The following ARAP1 variants were observed in gnomAD, a reference collection of about 807,000 sequenced individuals.
The protein encoded by ARAP1 is ArfGAP with RhoGAP domain, ankyrin repeat and PH domain 1, also known as arf-GAP with Rho-GAP domain, ANK repeat and PH domain-containing protein 1.
In ARAP1, 76 loss-of-function variants were observed where a neutral mutation model predicts 172.2. That is an observed-to-expected ratio of 0.44 (90% CI 0.37 to 0.53). ARAP1 has a LOEUF of 0.53. Ranked by LOEUF, ARAP1 falls within the 20% of genes least tolerant of loss-of-function variation. ARAP1 has a pLI of 0.00. For missense variants in ARAP1, 1,686 were observed against 1,977.5 expected (o/e 0.85, Z 2.80); for synonymous variants, 804 against 803.3 (o/e 1.00, Z -0.01).
intron 22 of ARAP1, 94 bp downstream of exon 22, chr11:72,696,889 G>T: frequency 7.5e-7 from 1 of 1,332,202 alleles, no homozygotes; most frequent in South Asian, 1.3e-5. Flanking sequence ...TGTGGGTTAG[G>T]GTAAGCCTAG....
Position 72,693,430 on chromosome 11 carries a change from G to T in ARAP1, c.3849C>A (p.Phe1283Leu). 1 of 1,613,870 alleles carries T rather than the reference G, an allele frequency of 6.2e-7. No homozygotes were observed. Among genetic ancestry groups the T allele is most frequent in the Non-Finnish European group, 8.5e-7 (1 of 1,179,812 alleles). The change falls in exon 29 of 35, where the codon TTC becomes TTA. Residue 1283 changes from phenylalanine to leucine, a missense_variant. Physicochemically the swap from Phe to Leu is conservative, Grantham distance 22. Transcript: ENST00000393609. The surrounding 1 kb of genome is among the most constrained non-coding windows in gnomAD (Gnocchi z 4.6). ...VGDTKHGMMK[F>L]REDRSLLGLG... ...GGCCCAGGAGGCTGCGGTCCTCACG[G>T]AACTTCATCATGCCATGCTTGGTGT...
intron 19 of ARAP1, 28 bp from the exon 20 acceptor site, chr11:72,697,677 C>G (rs759196499): frequency 2.0e-5 from 33 of 1,613,072 alleles, no homozygotes; most frequent in Non-Finnish European, 2.8e-5. Flanking sequence ...AAGGTGAGGC[C>G]CAGGTCTTGC....
At chr11:72,722,151 C>CAG (rs3029807) in intron 3 of ARAP1, 47,960 of 957,458 alleles carry the variant, frequency 0.05, 238 homozygotes, top group African/African-American at 0.056. Flanking sequence ...GAGGAAAGGA[C>CAG]AGAGAGAGAG....
At chr11:72,722,207 G>T in intron 3 of ARAP1, 1 of 985,786 alleles carries the variant, frequency 1.0e-6, no homozygotes, top group South Asian at 4.7e-5. Context: ...GTGTGTGTGA[G>T]TGTGTGTGAC....
At chr11:72,711,694 CT>C (rs58109830) in intron 7 of ARAP1, among the ~76,000 whole-genome samples, 195 bp from the exon 8 acceptor site, 59 of 118,858 alleles carry the variant, frequency 5.0e-4, no homozygotes, top group Admixed American at 1.9e-3. Context: ...TAGCACATCT[CT>C]TTTTTTTTTT....
chr11:72,697,359 T>C lies in ARAP1; in HGVS notation c.2917A>G (p.Ile973Val). 6.2e-7 allele frequency: 1 copy of C among 1,603,434 alleles called. No homozygotes were observed. Among genetic ancestry groups the C allele is most frequent in the African/African-American group, 1.3e-5 (1 of 74,898 alleles). ...ATGTAGTCCACACAGCGGTACACGA[T>C]CACCGGGATATCCGAGTCCCCAAGC... The part of the protein sequence containing the change: ...QQLGDSDIPV[I>V]VYRCVDYITQ... Residue 973 changes from isoleucine (I) to valine (V), a missense_variant, in exon 21 of 35, where the codon ATC becomes GTC. Coordinates refer to ENST00000393609, the MANE Select transcript of ARAP1 (RefSeq NM_001040118.3).
At chr11:72,738,543 C>G (rs1405383283) in intron 1 of ARAP1, among the ~76,000 whole-genome samples, 1 of 152,076 alleles carries the variant, frequency 6.6e-6, no homozygotes, top group East Asian at 1.9e-4. Context: ...GCTAGGGGTC[C>G]TAACTGAGGC....
intron 31 of ARAP1, 83 bp from the exon 32 acceptor site, chr11:72,687,821 G>A: frequency 6.6e-7 from 1 of 1,512,380 alleles, no homozygotes; most frequent in Non-Finnish European, 9.2e-7. Context: ...GAGCCCAGAA[G>A]CCACAGCCAG....
At position 72,710,944 on chromosome 11, in the gene ARAP1, C is replaced by G; in HGVS notation, c.1213+77G>C. On this transcript the variant is annotated intron_variant, in intron 9 of 34. Coordinates refer to ENST00000393609, the MANE Select transcript of ARAP1 (RefSeq NM_001040118.3). The surrounding 1 kb of genome is among the most constrained non-coding windows in gnomAD (Gnocchi z 4.3). ...GAGAGGGCAGATGCACCATGACTCT[C>G]TTCCCCCTCCTCTGCCCAAACTTCC... The G allele has an allele frequency of 1.6e-5, 25 of 1,574,918 alleles. No homozygotes were observed. Among genetic ancestry groups the G allele is most frequent in the Non-Finnish European group, 2.1e-5 (24 of 1,148,844 alleles).
intron 3 of ARAP1, among the ~76,000 whole-genome samples, chr11:72,722,847 C>G (rs537485031): frequency 6.6e-6 from 1 of 152,312 alleles, no homozygotes; most frequent in African/African-American, 2.4e-5. Context: ...CTCAGGGAAG[C>G]CAGTTCACAG....
At chr11:72,732,002 CAT>C (rs1352216578) in intron 2 of ARAP1, among the ~76,000 whole-genome samples, 4 of 151,978 alleles carry the variant, frequency 2.6e-5, no homozygotes, top group African/African-American at 9.7e-5. Context: ...AAAAAATATA[CAT>C]ATGTTATATA....
chr11:72,692,843 A>C, intron 29 of ARAP1, 58 bp from the exon 30 acceptor site: 2 of 1,600,636 alleles, frequency 1.2e-6, no homozygotes, highest in Non-Finnish European at 1.7e-6. Context: ...CCAGGACAGC[A>C]TGTGCAGTGA....
rs746111560 is a variant in ARAP1, at chr11:72,693,856, C to A, written c.3695-51G>T. 4 of 1,468,138 alleles carry A rather than the reference C, an allele frequency of 2.7e-6. No homozygotes were observed. The highest frequency in any genetic ancestry group is 1.4e-5 in the African/African-American group (1 of 71,402). The allele number at this position is 1,468,138 out of a possible 1,614,324, so 90.9% of individuals were successfully genotyped here. On this transcript the variant is annotated intron_variant, in intron 27 of 34. Coordinates refer to ENST00000393609, the MANE Select transcript of ARAP1 (RefSeq NM_001040118.3). The surrounding 1 kb of genome is among the most constrained non-coding windows in gnomAD (Gnocchi z 4.6). ...ACTGGGACCACATGGCCCGATACCACCAAAGGCTGGCAGATGGGCACATAT... is the reference window on the plus strand; with the variant it reads ...ACTGGGACCACATGGCCCGATACCAACAAAGGCTGGCAGATGGGCACATAT...
rs192679308 is a variant in ARAP1 at position 72,686,019 on chromosome 11, C to G, written c.4335+23G>C. ...CCAGCCAGGCCCCCAGCCCCCTGCC[C>G]AAAGGCATGGAGAGCCACTCACAGA... On this transcript the variant is annotated intron_variant, in intron 34 of 34. Coordinates refer to ENST00000393609, the MANE Select transcript of ARAP1 (RefSeq NM_001040118.3). The G allele has an allele frequency of 6.2e-6, 10 of 1,613,896 alleles. No individual in the cohort carries two copies. The African/African-American group carries it at 1.3e-4, about 22-fold the overall frequency.
chr11:72,713,122 G>A (rs1857106693), intron 5 of ARAP1, 54 bp downstream of exon 5: 1 of 1,576,290 alleles, frequency 6.3e-7, no homozygotes, highest in Admixed American at 1.7e-5. Context: ...CTGACAGGCA[G>A]CTGGGCACCC....
In ARAP1 at chr11:72,712,074, G is replaced by A; in HGVS notation, c.1022+122C>T. 7.5e-6 allele frequency: 10 copies of A among 1,337,742 alleles called. No homozygotes were observed. In the South Asian group the frequency reaches 1.6e-4, roughly 21 times the overall value. 82.9% of individuals were successfully genotyped at this position (1,337,742 alleles called of 1,614,324 possible). Reference sequence around the variant, plus strand: ...ACAGTGTGCCTGGAGGGAGACCTGTGCAAATCATCGCAGGCCCTTCTGGTT... The same window carrying A: ...ACAGTGTGCCTGGAGGGAGACCTGTACAAATCATCGCAGGCCCTTCTGGTT... On this transcript the variant is annotated intron_variant, in intron 7 of 34. Transcript: ENST00000393609.
In ARAP1 at chr11:72,732,502, C is replaced by T. The variant is rs1014850636; in HGVS notation, c.-45+13G>A. ...AGCCAGCCCTGTTCCCACCGCTCCA[C>T]CTCCTGACTCACCAGCTGGGCTGCC... On this transcript the variant is annotated intron_variant, in intron 2 of 34. Transcript: ENST00000393609. The T allele has an allele frequency of 3.3e-5, 5 of 152,634 alleles. No homozygotes were observed. The highest frequency in any genetic ancestry group is 1.2e-4 in the African/African-American group (5 of 41,472). The allele number at this position is 152,634 out of a possible 1,614,324, so 9.5% of individuals were successfully genotyped here.
chr11:72,692,882 T>C (rs1856002024), intron 29 of ARAP1, 97 bp from the exon 30 acceptor site: 4 of 1,482,966 alleles, frequency 2.7e-6, no homozygotes, highest in African/African-American at 1.4e-5. Context: ...GTGTATGGCA[T>C]GTATGTGCAG....
At chr11:72,704,660 T>C (rs969965655) in intron 13 of ARAP1, 10 of 292,512 alleles carry the variant, frequency 3.4e-5, no homozygotes, top group Non-Finnish European at 6.4e-5. Context: ...TCTGCATTCC[T>C]GAGGCTGTGA....
Sources: gnomAD v4.1 joint callset for allele counts (sites outside exome capture counted in the v4.1 genomes callset) on GRCh38, gnomAD v4.1.1 for gene constraint, Gnocchi (gnomAD v3.1) non-coding constraint, MANE v1.5 for transcripts, NCBI Gene and HGNC (gene_info 2026-07-23, HGNC 2026-07-21) for gene names.